Variants in ARID2 observed in about 807,000 individuals in gnomAD.
ARID2 encodes AT-rich interaction domain 2, also known as AT-rich interactive domain-containing protein 2.
A neutral mutation model predicts 184.6 loss-of-function variants in ARID2; 32 were observed. The ratio of observed to expected loss-of-function variants is 0.17; its 90% CI spans 0.13 to 0.23. ARID2 has a LOEUF of 0.23. Among genes scored for constraint, ARID2 ranks in the 10% least tolerant of loss-of-function variants. The pLI, the probability that ARID2 is intolerant of heterozygous loss-of-function variation, is 1.00. For synonymous variants in ARID2, 836 were observed against 772.6 expected, an observed-to-expected ratio of 1.08 and a Z score of -1.36; for missense variants, 1,696 against 2,197.6, an observed-to-expected ratio of 0.77 and a Z score of 4.56.
At chr12:45,732,247 C>CT (rs373680143) in intron 3 of ARID2, among the ~76,000 whole-genome samples, 102 of 152,064 alleles carry the variant, frequency 6.7e-4, no homozygotes, top group African/African-American at 2.0e-3. Flanking sequence ...TAGTACAGGC[C>CT]TTTTTTTGTA....
chr12:45,889,064 C>A (rs2138227897), intron 16 of ARID2, among the ~76,000 whole-genome samples: 1 of 152,240 alleles, frequency 6.6e-6, no homozygotes, highest in East Asian at 1.9e-4. Flanking sequence ...TGCACGTAAT[C>A]CCAGCTACTC....
chr12:45,733,153 A>C (rs1009680424), intron 3 of ARID2, among the ~76,000 whole-genome samples: 15 of 152,194 alleles, frequency 9.9e-5, no homozygotes, highest in Non-Finnish European at 1.5e-5. Context: ...CTAGGCTACT[A>C]GGAAAAAAGT....
rs76651924 is a variant in ARID2, at chr12:45,839,317, T to A, written c.1331-12T>A. Reference sequence around the variant, plus strand: ...TTATTGACTAATAACTATTGCTTTTTATTTATTTTAGACATGTTAGTGTGT... The same window carrying A: ...TTATTGACTAATAACTATTGCTTTTAATTTATTTTAGACATGTTAGTGTGT... On this transcript the variant is annotated splice_polypyrimidine_tract_variant and intron_variant, in intron 10 of 20. Coordinates refer to ENST00000334344, the MANE Select transcript of ARID2 (RefSeq NM_152641.4). 1 of 1,593,916 alleles carries A rather than the reference T, an allele frequency of 6.3e-7. No individual in the cohort carries two copies. Among genetic ancestry groups the A allele is most frequent in the Non-Finnish European group, 8.5e-7 (1 of 1,172,708 alleles).
intron 3 of ARID2, among the ~76,000 whole-genome samples, chr12:45,805,115 A>G (rs903872201): frequency 6.6e-6 from 1 of 151,654 alleles, no homozygotes; most frequent in Admixed American, 6.6e-5. Flanking sequence ...AGTTGGTTTT[A>G]TTTTAGGGTG....
rs2138168852 is a variant in ARID2 at position 45,851,205 on chromosome 12, G to A, written c.3082G>A (p.Val1028Ile). Residue 1028 changes from valine (V) to isoleucine (I), a missense_variant, in exon 15 of 21, where the codon GTA becomes ATA. Around this residue, in one of 11 missense-constraint regions of ARID2, gnomAD observed 713 missense variants for 824.4 expected, o/e 0.86. Transcript: ENST00000334344. Reference sequence around the variant, plus strand: ...AGCACCCCCACCACAGCAGGTACAAGTACAAGTTCAGCAGCCCCAACAAGT... The same window carrying A: ...AGCACCCCCACCACAGCAGGTACAAATACAAGTTCAGCAGCCCCAACAAGT... ...SPAPPPQQVQ[V>I]QVQQPQQVQM... The A allele has an allele frequency of 1.9e-6, 3 of 1,614,146 alleles. No homozygotes were observed. The highest frequency in any genetic ancestry group is 2.5e-6 in the Non-Finnish European group (3 of 1,180,008).
intron 5 of ARID2, among the ~76,000 whole-genome samples, chr12:45,819,652 G>C (rs945058885): frequency 5.3e-5 from 8 of 151,876 alleles, no homozygotes; most frequent in Admixed American, 3.9e-4. Context: ...AATTCTATGT[G>C]ACAAGAAATT....
intron 16 of ARID2, among the ~76,000 whole-genome samples, chr12:45,889,638 T>C (rs996831543): frequency 3.3e-5 from 5 of 152,236 alleles, no homozygotes; most frequent in African/African-American, 9.6e-5. Flanking sequence ...ACGTAAACTT[T>C]TAAAACTCAG....
chr12:45,865,768 C>T (rs757662179), intron 16 of ARID2, among the ~76,000 whole-genome samples: 3 of 152,052 alleles, frequency 2.0e-5, no homozygotes, highest in Admixed American at 6.5e-5. Context: ...TTTCTTTTCT[C>T]ATACTATAAG....
chr12:45,844,810 G>A (rs1198865425), intron 11 of ARID2, among the ~76,000 whole-genome samples: 1 of 152,164 alleles, frequency 6.6e-6, no homozygotes, highest in African/African-American at 2.4e-5. Context: ...AGTGAGTGAT[G>A]GAATTCTCTG....
chr12:45,752,683 G>A lies in ARID2; in HGVS notation c.284+21369G>A, dbSNP rs137977012. ...ACTCAGACTCATACCACCACACCCAGCTGATTTTTTGTAGAGGCAGGATCT... is the reference window on the plus strand; with the variant it reads ...ACTCAGACTCATACCACCACACCCAACTGATTTTTTGTAGAGGCAGGATCT... On this transcript the variant is annotated intron_variant, in intron 3 of 20. Coordinates refer to ENST00000334344, the MANE Select transcript of ARID2 (RefSeq NM_152641.4). Among the ~76,000 whole-genome samples the A allele has an allele frequency of 2.9e-4, 44 of 152,268 alleles. No homozygotes were observed. In the East Asian group the frequency reaches 8.1e-3, roughly 28 times the overall value.
intron 3 of ARID2, among the ~76,000 whole-genome samples, chr12:45,809,638 CTTCAGTATGT>C (rs1942666963): frequency 1.3e-5 from 2 of 152,164 alleles, no homozygotes; most frequent in African/African-American, 4.8e-5. Context: ...TATGTCTCTG[CTTCAGTATGT>C]TTTATCTACA....
At position 45,907,866 on chromosome 12, in the gene ARID2, T is replaced by A. The variant is rs771858295; in HGVS notation, c.*2788T>A. 1 of 231,850 alleles carries A rather than the reference T, an allele frequency of 4.3e-6. No individual in the cohort carries two copies. Among genetic ancestry groups the A allele is most frequent in the Non-Finnish European group, 8.5e-6 (1 of 117,086 alleles). 14.4% of individuals were successfully genotyped at this position (231,850 alleles called of 1,614,324 possible). On this transcript the variant is annotated 3_prime_UTR_variant, in exon 21 of 21. Coordinates refer to ENST00000334344, the MANE Select transcript of ARID2 (RefSeq NM_152641.4). ...AATAAATTTTAAGTAACAAAATTGA[T>A]AATCATATAGCGAAGGCATATTTTT... is the stretch of plus-strand genomic sequence containing the variant.
intron 3 of ARID2, among the ~76,000 whole-genome samples, chr12:45,751,938 G>A (rs73095478): frequency 0.039 from 6,007 of 152,208 alleles, 172 homozygotes; most frequent in Middle Eastern, 0.068. Flanking sequence ...TAGTTTGTAC[G>A]ACCAAGGTTC....
chr12:45,872,180 C>T (rs247918), intron 16 of ARID2, among the ~76,000 whole-genome samples: 70,822 of 151,420 alleles, frequency 0.47, 16,838 homozygotes, highest in Admixed American at 0.55. Flanking sequence ...TTAATGTGCT[C>T]TTCTTTGTCT....
intron 3 of ARID2, among the ~76,000 whole-genome samples, chr12:45,735,292 G>A (rs895918781): frequency 6.6e-6 from 1 of 151,814 alleles, no homozygotes; most frequent in Non-Finnish European, 1.5e-5. Flanking sequence ...ATTGCTAAAC[G>A]GAACTGAATA....
At chr12:45,898,528 G>C (rs1259863695) in intron 20 of ARID2, among the ~76,000 whole-genome samples, 1 of 152,182 alleles carries the variant, frequency 6.6e-6, no homozygotes, top group Non-Finnish European at 1.5e-5. Flanking sequence ...AATGGGTATT[G>C]GGTTTCTTTT....
chr12:45,743,050 G>GT (rs552187467), intron 3 of ARID2, among the ~76,000 whole-genome samples: 3 of 151,936 alleles, frequency 2.0e-5, no homozygotes, highest in East Asian at 1.9e-4. Flanking sequence ...ATGTTTGTTT[G>GT]TTTTTTTAAA....
rs149288068 is a variant in ARID2 at position 45,788,484 on chromosome 12, A to C, written c.285-22934A>C. Among the ~76,000 whole-genome samples the C allele has an allele frequency of 3.2e-4, 48 of 152,316 alleles. No individual in the cohort carries two copies. The East Asian group carries it at 5.8e-3, about 18-fold the overall frequency. On this transcript the variant is annotated intron_variant, in intron 3 of 20. Transcript: ENST00000334344. Reference sequence around the variant, plus strand: ...CTGATGTATCTTTATTTTATAAAGAAATTGTTAATGATTACTTTTAAATTC... The same window carrying C: ...CTGATGTATCTTTATTTTATAAAGACATTGTTAATGATTACTTTTAAATTC...
intron 16 of ARID2, among the ~76,000 whole-genome samples, chr12:45,891,034 A>G (rs1196923917): frequency 6.6e-6 from 1 of 152,020 alleles, no homozygotes; most frequent in East Asian, 1.9e-4. Flanking sequence ...GCATGGTGGC[A>G]TGTGCTTGTA....
Sources: allele counts gnomAD v4.1 joint callset (sites outside exome capture counted in the v4.1 genomes callset), GRCh38; gene constraint gnomAD v4.1.1; regional missense constraint gnomAD v4.1.1; transcripts MANE v1.5; gene names NCBI Gene and HGNC (gene_info 2026-07-23, HGNC 2026-07-21).